The following ARHGAP24 variants were observed in gnomAD, a reference collection of about 807,000 sequenced individuals.
ARHGAP24 encodes the protein Rho GTPase activating protein 24.
In ARHGAP24, 50 loss-of-function variants were observed where a neutral mutation model predicts 76.4. The ratio of observed to expected loss-of-function variants is 0.65; its 90% CI spans 0.52 to 0.83. The LOEUF is 0.83. ARHGAP24 is among the 40% of genes least tolerant of loss of function. The probability of loss-of-function intolerance (pLI) is 0.00; values close to 1 mark genes in which losing one functional copy is unlikely to be tolerated. For synonymous variants in ARHGAP24, 345 were observed against 323.3 expected, an observed-to-expected ratio of 1.07 and a Z score of -0.72; for missense variants, 930 against 914.2, an observed-to-expected ratio of 1.02 and a Z score of -0.22.
At chr4:85,516,531 C>A (rs1218389223) in intron 1 of ARHGAP24, among the ~76,000 whole-genome samples, 1 of 151,730 alleles carries the variant, frequency 6.6e-6, no homozygotes, top group African/African-American at 2.4e-5. Flanking sequence ...ATTTTAATTT[C>A]TCTTATTTTG....
intron 1 of ARHGAP24, among the ~76,000 whole-genome samples, chr4:85,476,418 T>A (rs1464772448): frequency 6.6e-6 from 1 of 152,158 alleles, no homozygotes; most frequent in East Asian, 1.9e-4. Context: ...CAGCACATTT[T>A]ATGTTACTCT....
At chr4:85,608,229 G>A (rs1333419616) in intron 2 of ARHGAP24, among the ~76,000 whole-genome samples, 2 of 152,160 alleles carry the variant, frequency 1.3e-5, no homozygotes, top group Non-Finnish European at 2.9e-5. Context: ...AGAGGAGACT[G>A]TTGTAATATA....
At chr4:85,490,879 C>G (rs565405928) in intron 1 of ARHGAP24, among the ~76,000 whole-genome samples, 11 of 152,116 alleles carry the variant, frequency 7.2e-5, no homozygotes, top group Admixed American at 3.9e-4. Flanking sequence ...AAAATTTTCC[C>G]CACAGGGACC....
intron 4 of ARHGAP24, among the ~76,000 whole-genome samples, chr4:85,937,824 A>G (rs150824323): frequency 3.8e-4 from 58 of 152,322 alleles, no homozygotes; most frequent in African/African-American, 1.3e-3. Context: ...TCAAATTGCA[A>G]AAGTTAGCAA....
intron 2 of ARHGAP24, among the ~76,000 whole-genome samples, chr4:85,685,862 AG>A (rs1560585207): frequency 6.6e-6 from 1 of 152,240 alleles, no homozygotes; most frequent in Non-Finnish European, 1.5e-5. Context: ...AGAAATTTGT[AG>A]AAAGTTTGAC....
Position 85,995,421 on chromosome 4 carries a change from G to C in ARHGAP24, c.1767G>C (p.Glu589Asp), listed in dbSNP as rs1740602143. The change falls in exon 9 of 10, where the codon GAG (glutamate) becomes GAC (aspartate). Residue 589 changes from glutamate to aspartate, a missense_variant. Glu to Asp is a conservative substitution (Grantham distance 45). Coordinates refer to ENST00000395184, the MANE Select transcript of ARHGAP24 (RefSeq NM_001025616.3). ...AAGACTTTTTTGGGGGGAACTTTGA[G>C]GACCCTGTTTTGGATGGGCCCCCGC... ...PEQDFFGGNF[E>D]DPVLDGPPQD... 6.2e-7 allele frequency: 1 copy of C among 1,612,296 alleles called. No homozygotes were observed. Among genetic ancestry groups the C allele is most frequent in the Admixed American group, 1.7e-5 (1 of 59,936 alleles).
intron 2 of ARHGAP24, among the ~76,000 whole-genome samples, chr4:85,683,205 T>C (rs1161782361): frequency 1.3e-5 from 2 of 149,104 alleles, no homozygotes; most frequent in Non-Finnish European, 1.5e-5. Flanking sequence ...CTTATAAATA[T>C]GAAACATGGG....
At chr4:85,535,545 G>A (rs1376422254) in intron 1 of ARHGAP24, among the ~76,000 whole-genome samples, 1 of 152,278 alleles carries the variant, frequency 6.6e-6, no homozygotes, top group South Asian at 2.1e-4. Flanking sequence ...TCATAAAAAC[G>A]CAGAATAAGG....
chr4:85,828,897 G>A (rs1016966416), intron 3 of ARHGAP24, among the ~76,000 whole-genome samples: 2 of 151,834 alleles, frequency 1.3e-5, no homozygotes. Context: ...TTGAGAAAAG[G>A]GAAAAGTATA....
chr4:85,853,024 C>A (rs1731327560), intron 3 of ARHGAP24, among the ~76,000 whole-genome samples: 1 of 152,204 alleles, frequency 6.6e-6, no homozygotes, highest in South Asian at 2.1e-4. Flanking sequence ...CAGACAAGGA[C>A]ATTTAAGTCT....
chr4:85,894,982 A>AAAAAC (rs1734074232), intron 3 of ARHGAP24, among the ~76,000 whole-genome samples: 2 of 21,194 alleles, frequency 9.4e-5, no homozygotes, highest in African/African-American at 4.3e-4. Flanking sequence ...AAAAAAAAAA[A>AAAAAC]AAAAAACAAA....
chr4:85,750,750 A>G (rs1160558955), intron 3 of ARHGAP24, among the ~76,000 whole-genome samples: 1 of 151,936 alleles, frequency 6.6e-6, no homozygotes, highest in Non-Finnish European at 1.5e-5. Context: ...CACCCACCTC[A>G]GCCTCCCAAA....
intron 2 of ARHGAP24, among the ~76,000 whole-genome samples, chr4:85,645,247 G>A (rs541234165): frequency 4.6e-5 from 7 of 152,066 alleles, no homozygotes; most frequent in South Asian, 4.2e-4. Flanking sequence ...TTATTTTCAC[G>A]CTCTGGTTAT....
chr4:85,945,160 G>A (rs1195293036), intron 5 of ARHGAP24, among the ~76,000 whole-genome samples: 1 of 151,262 alleles, frequency 6.6e-6, no homozygotes, highest in African/African-American at 2.4e-5. Flanking sequence ...TTCTTTTTTC[G>A]AAACAGAATC....
intron 3 of ARHGAP24, among the ~76,000 whole-genome samples, chr4:85,905,939 A>G (rs1335318756): frequency 1.3e-5 from 2 of 152,194 alleles, no homozygotes; most frequent in Admixed American, 6.5e-5. Context: ...TACACTGGAC[A>G]TCTGCCAAGA....
intron 1 of ARHGAP24, among the ~76,000 whole-genome samples, chr4:85,477,460 A>G (rs1268929479): frequency 6.6e-6 from 1 of 152,234 alleles, no homozygotes; most frequent in East Asian, 1.9e-4. Context: ...TCCAGACTAG[A>G]ACATAGATTT....
intron 3 of ARHGAP24, among the ~76,000 whole-genome samples, chr4:85,735,903 T>C (rs999897857): frequency 6.6e-6 from 1 of 152,178 alleles, no homozygotes; most frequent in African/African-American, 2.4e-5. Context: ...CCTATTTTTT[T>C]AAAAAAATCT....
intron 1 of ARHGAP24, among the ~76,000 whole-genome samples, chr4:85,506,540 A>AAGGGAAGGGAAATCCACCAAC (rs1560512565): frequency 1.3e-5 from 2 of 152,212 alleles, no homozygotes; most frequent in African/African-American, 4.8e-5. Context: ...TGGGCATGGG[A>AAGGGAAGGGAAATCCACCAAC]CCCACTGAGC....
chr4:85,684,183 T>G (rs1186723168), intron 2 of ARHGAP24, among the ~76,000 whole-genome samples: 2 of 152,218 alleles, frequency 1.3e-5, no homozygotes, highest in Non-Finnish European at 2.9e-5. Context: ...AAAACTGTTT[T>G]CTATAATGGC....
Sources: gnomAD v4.1 joint callset for allele counts (sites outside exome capture counted in the v4.1 genomes callset) on GRCh38, gnomAD v4.1.1 for gene constraint, MANE v1.5 for transcripts, NCBI Gene and HGNC (gene_info 2026-07-23, HGNC 2026-07-21) for gene names.